The following RBPMS variants were observed in gnomAD, a reference collection of about 807,000 sequenced individuals.
RBPMS encodes RNA binding protein, mRNA processing factor, also known as RNA-binding protein with multiple splicing.
In RBPMS, 7 loss-of-function variants were observed where a neutral mutation model predicts 26.8. That is an observed-to-expected ratio of 0.26 (90% confidence interval 0.15 to 0.49). RBPMS has a LOEUF of 0.49. Among genes scored for constraint, RBPMS ranks in the 20% least tolerant of loss-of-function variants. The pLI is 0.98. For missense variants in RBPMS, 186 were observed against 250.0 expected, an observed-to-expected ratio of 0.74 and a Z score of 1.73; for synonymous variants, 96 against 93.3, an observed-to-expected ratio of 1.03 and a Z score of -0.17.
intron 1 of RBPMS, among the ~76,000 whole-genome samples, chr8:30,473,031 G>A (rs1369069740): frequency 2.0e-5 from 3 of 152,130 alleles, no homozygotes; most frequent in East Asian, 3.8e-4. Context: ...ATTGAGCATC[G>A]AATTTTCAAT....
chr8:30,409,080 T>C (rs1808987557), intron 1 of RBPMS, among the ~76,000 whole-genome samples: 1 of 152,246 alleles, frequency 6.6e-6, no homozygotes, highest in Admixed American at 6.5e-5. Flanking sequence ...ATGTTTTGTT[T>C]GTCCATTCAT....
chr8:30,571,217 A>G lies in RBPMS; in HGVS notation c.*692A>G, dbSNP rs1418426373. On this transcript the variant is annotated 3_prime_UTR_variant, in exon 9 of 9. Coordinates refer to ENST00000397323, the MANE Select transcript of RBPMS (RefSeq NM_001008710.3). ...CAACCAGAAGCCTCCAGGAGCTTCT[A>G]CCTATGGCTTATTCACAACTGGGCA... 6.6e-6 allele frequency: 1 copy of G among 152,238 alleles called. No individual in the cohort carries two copies. The highest frequency in any genetic ancestry group is 1.5e-5 in the Non-Finnish European group (1 of 68,034). The allele number at this position is 152,238 out of a possible 1,614,324, so 9.4% of individuals were successfully genotyped here.
At chr8:30,389,053 G>A (rs1254167896) in intron 1 of RBPMS, among the ~76,000 whole-genome samples, 3 of 152,196 alleles carry the variant, frequency 2.0e-5, no homozygotes, top group Non-Finnish European at 1.5e-5. Flanking sequence ...GGTAATGTCA[G>A]TTTGATGTGG....
At position 30,410,120 on chromosome 8, in the gene RBPMS, C is replaced by T. The variant is rs1017193495; in HGVS notation, c.66+24962C>T. Among the ~76,000 whole-genome samples the T allele has an allele frequency of 4.1e-5, 6 of 145,808 alleles. 1 individual carries two copies. The South Asian group carries it at 1.4e-3, about 33-fold the overall frequency. On this transcript the variant is annotated intron_variant, in intron 1 of 8. Coordinates refer to ENST00000397323, the MANE Select transcript of RBPMS (RefSeq NM_001008710.3). The stretch of plus-strand genomic sequence containing the variant: ...TGGGGACTTAAACATTTTGGCAAAG[C>T]TTACATTCTGGGTGACTTAAAATAC...
chr8:30,530,881 C>T (rs1824147347), intron 5 of RBPMS, among the ~76,000 whole-genome samples: 1 of 152,138 alleles, frequency 6.6e-6, no homozygotes, highest in African/African-American at 2.4e-5. Flanking sequence ...TGCCCGAGGT[C>T]ACATAGATGG....
chr8:30,511,477 AAAAAAAAAAATATATATATATATAT>A (rs1254815309), intron 5 of RBPMS, among the ~76,000 whole-genome samples: 487 of 7,380 alleles, frequency 0.066, 17 homozygotes, highest in African/African-American at 0.13. Flanking sequence ...AAAAGAAAAA[AAAAAAAAAAATATATATATATATAT>A]ATATATATAT....
chr8:30,446,401 T>A (rs1813776067), intron 1 of RBPMS, among the ~76,000 whole-genome samples: 1 of 152,224 alleles, frequency 6.6e-6, no homozygotes, highest in Admixed American at 6.5e-5. Flanking sequence ...TGTTTTCTAT[T>A]TTAAGGCTTA....
At chr8:30,556,489 C>A in intron 6 of RBPMS, 1 of 986,122 alleles carries the variant, frequency 1.0e-6, no homozygotes. Flanking sequence ...CTGTGCAGCT[C>A]TCCTCCCCGG....
intron 1 of RBPMS, among the ~76,000 whole-genome samples, chr8:30,453,032 A>G (rs914106088): frequency 6.6e-6 from 1 of 152,030 alleles, no homozygotes. Flanking sequence ...TTCCTCGTGG[A>G]TTCATTGTGG....
chr8:30,491,431 T>C (rs975369647), intron 4 of RBPMS, among the ~76,000 whole-genome samples: 2 of 152,096 alleles, frequency 1.3e-5, no homozygotes, highest in African/African-American at 4.8e-5. Flanking sequence ...TAACATTACC[T>C]AAACTTGGTT....
At chr8:30,433,669 T>C (rs1259305088) in intron 1 of RBPMS, among the ~76,000 whole-genome samples, 1 of 152,064 alleles carries the variant, frequency 6.6e-6, no homozygotes, top group Non-Finnish European at 1.5e-5. Context: ...TGAGATCTTG[T>C]CTTAAAGACA....
chr8:30,426,612 G>A (rs972324979), intron 1 of RBPMS, among the ~76,000 whole-genome samples: 3 of 151,742 alleles, frequency 2.0e-5, no homozygotes, highest in South Asian at 2.1e-4. Context: ...AGTGTTTGTC[G>A]TAGTTTCTAA....
At chr8:30,534,549 C>CG (rs1824603746) in intron 5 of RBPMS, among the ~76,000 whole-genome samples, 1 of 152,122 alleles carries the variant, frequency 6.6e-6, no homozygotes, top group African/African-American at 2.4e-5. Flanking sequence ...ACCAGAAGAA[C>CG]GGGGGTGGTG....
intron 1 of RBPMS, among the ~76,000 whole-genome samples, chr8:30,447,512 C>T (rs925555865): frequency 1.3e-5 from 2 of 152,190 alleles, no homozygotes; most frequent in Non-Finnish European, 2.9e-5. Context: ...CTGCTGGGTT[C>T]TATAAATCAC....
Position 30,446,846 on chromosome 8 carries a change from C to CGT in RBPMS, c.67-27932_67-27931insTG, listed in dbSNP as rs1563326546. On this transcript the variant is annotated intron_variant, in intron 1 of 8. Coordinates refer to ENST00000397323, the MANE Select transcript of RBPMS (RefSeq NM_001008710.3). ...GTGTGTGTGTGTGTGTGTGTGTGCGCGCGCGCGCGCGCGGTGGAGGGTAGT... is the reference window on the plus strand; with the variant it reads ...GTGTGTGTGTGTGTGTGTGTGTGCGCGTGCGCGCGCGCGCGGTGGAGGGTAGT... 21 of 74,086 alleles carry CGT rather than the reference C, an allele frequency of 2.8e-4. 1 individual carries two copies. The highest frequency in any genetic ancestry group is 9.6e-4 in the African/African-American group (16 of 16,678). 4.6% of individuals were successfully genotyped at this position (74,086 alleles called of 1,614,324 possible).
At chr8:30,437,215 C>T (rs907181156) in intron 1 of RBPMS, among the ~76,000 whole-genome samples, 3 of 151,678 alleles carry the variant, frequency 2.0e-5, no homozygotes, top group African/African-American at 7.3e-5. Context: ...GCCACCGCGC[C>T]CAGCCGATAT....
At chr8:30,429,807 T>G (rs1331756498) in intron 1 of RBPMS, among the ~76,000 whole-genome samples, 1 of 152,202 alleles carries the variant, frequency 6.6e-6, no homozygotes, top group East Asian at 1.9e-4. Context: ...CTTTTCAAAA[T>G]GTAGTCCAAT....
chr8:30,543,483 T>C (rs557836006), intron 5 of RBPMS, among the ~76,000 whole-genome samples: 75 of 152,308 alleles, frequency 4.9e-4, no homozygotes, highest in African/African-American at 1.6e-3. Context: ...TACTAATGAC[T>C]TCTATCAAAT....
chr8:30,555,567 AAGAG>A (rs779956546), intron 6 of RBPMS, among the ~76,000 whole-genome samples: 5 of 152,160 alleles, frequency 3.3e-5, no homozygotes, highest in African/African-American at 9.6e-5. Flanking sequence ...ACTATGGGAG[AAGAG>A]AGAGAGGGTG....
Sources: gnomAD v4.1 joint callset for allele counts (sites outside exome capture counted in the v4.1 genomes callset) on GRCh38, gnomAD v4.1.1 for gene constraint, MANE v1.5 for transcripts, NCBI Gene and HGNC (gene_info 2026-07-23, HGNC 2026-07-21) for gene names.